The following DOCK2 variants were observed in gnomAD, a reference collection of about 807,000 sequenced individuals.
DOCK2 encodes dedicator of cytokinesis protein 2.
In DOCK2, 87 loss-of-function variants were observed where a neutral mutation model predicts 248.9. The observed-to-expected ratio is 0.35, with a 90% CI of 0.29 to 0.42. The LOEUF is 0.42. Ranked by LOEUF, DOCK2 falls within the 10% of genes least tolerant of loss-of-function variation. DOCK2 has a pLI of 1.00. For missense variants in DOCK2, 1,747 were observed against 2,300.2 expected (o/e 0.76, Z 4.92); for synonymous variants, 805 against 821.6 (o/e 0.98, Z 0.35).
intron 27 of DOCK2, among the ~76,000 whole-genome samples, chr5:169,970,415 G>C (rs1356005665): frequency 6.6e-6 from 1 of 152,250 alleles, no homozygotes; most frequent in East Asian, 1.9e-4. Context: ...CTGAAATAAG[G>C]CTGGGAAAGA....
chr5:169,780,456 A>C (rs1316592816), intron 25 of DOCK2, among the ~76,000 whole-genome samples: 1 of 152,156 alleles, frequency 6.6e-6, no homozygotes, highest in East Asian at 1.9e-4. Context: ...GTGTGCTGGC[A>C]GCTTCTGGGC....
At chr5:169,730,049 T>C (rs919675093) in intron 22 of DOCK2, among the ~76,000 whole-genome samples, 6 of 152,284 alleles carry the variant, frequency 3.9e-5, no homozygotes, top group African/African-American at 1.4e-4. Context: ...CTCTGCCTCC[T>C]GGGTTCAAGT....
At chr5:170,017,770 C>T (rs1190089993) in intron 32 of DOCK2, among the ~76,000 whole-genome samples, 1 of 152,192 alleles carries the variant, frequency 6.6e-6, no homozygotes, top group Non-Finnish European at 1.5e-5. Context: ...AGTCAATTTA[C>T]ACACTCAGGC....
chr5:170,061,686 G>A (rs1265288750), intron 44 of DOCK2, among the ~76,000 whole-genome samples: 1 of 152,192 alleles, frequency 6.6e-6, no homozygotes, highest in Non-Finnish European at 1.5e-5. Context: ...GCTATAATGA[G>A]GCTAACACTT....
At chr5:169,735,487 T>A (rs986981398) in intron 22 of DOCK2, among the ~76,000 whole-genome samples, 4 of 152,216 alleles carry the variant, frequency 2.6e-5, no homozygotes, top group Non-Finnish European at 1.5e-5. Context: ...TCTATCCCTG[T>A]ATTTTCTGGC....
At chr5:169,952,278 A>G (rs1458498749) in intron 27 of DOCK2, among the ~76,000 whole-genome samples, 1 of 152,184 alleles carries the variant, frequency 6.6e-6, no homozygotes, top group Non-Finnish European at 1.5e-5. Flanking sequence ...CCGTATAACA[A>G]TTTATTGAGA....
intron 48 of DOCK2, 59 bp downstream of exon 48, chr5:170,077,896 C>G (rs1757893745): frequency 7.3e-7 from 1 of 1,376,424 alleles, no homozygotes; most frequent in East Asian, 2.3e-5. Context: ...TCTATCCCCC[C>G]TCCTTCTCTC....
At chr5:169,885,577 C>G (rs910934624) in intron 27 of DOCK2, among the ~76,000 whole-genome samples, 1 of 152,320 alleles carries the variant, frequency 6.6e-6, no homozygotes, top group South Asian at 2.1e-4. Flanking sequence ...TGAGGAACAA[C>G]TACCTCATAA....
intron 6 of DOCK2, among the ~76,000 whole-genome samples, chr5:169,674,788 T>G (rs1409689212): frequency 6.6e-6 from 1 of 152,202 alleles, no homozygotes. Flanking sequence ...AACTCTCCCT[T>G]AAATCCCAAT....
chr5:169,658,017 T>A (rs1758216797), intron 2 of DOCK2, among the ~76,000 whole-genome samples: 1 of 152,136 alleles, frequency 6.6e-6, no homozygotes. Flanking sequence ...AGTCAATGAA[T>A]ATTAATTGGA....
intron 44 of DOCK2, among the ~76,000 whole-genome samples, chr5:170,060,256 G>A (rs181039595): frequency 7.0e-4 from 107 of 152,290 alleles, no homozygotes; most frequent in East Asian, 4.0e-3. Flanking sequence ...AGCTATGTAT[G>A]TTAGATAAGG....
intron 27 of DOCK2, among the ~76,000 whole-genome samples, chr5:169,847,954 T>C (rs1022437097): frequency 9.2e-5 from 14 of 152,222 alleles, no homozygotes; most frequent in Admixed American, 3.9e-4. Context: ...ATATTCTTGC[T>C]TCCTTTAAAA....
intron 51 of DOCK2, 23 bp downstream of exon 51, chr5:170,082,007 G>A (rs771922132): frequency 2.5e-6 from 4 of 1,611,230 alleles, no homozygotes; most frequent in Non-Finnish European, 3.4e-6. Flanking sequence ...AGGGTGGAAG[G>A]AAAGGAAGGC....
chr5:170,079,964 T>G, intron 49 of DOCK2, 199 bp from the exon 50 acceptor site: 45 of 702,802 alleles, frequency 6.4e-5, no homozygotes, highest in Admixed American at 9.5e-5. Flanking sequence ...CCCCCGCCTG[T>G]AGTTGTGTAG....
At chr5:169,838,598 A>G (rs1305385355) in intron 26 of DOCK2, among the ~76,000 whole-genome samples, 1 of 152,170 alleles carries the variant, frequency 6.6e-6, no homozygotes, top group African/African-American at 2.4e-5. Context: ...GGCCAGAAAT[A>G]TGGGGAGATC....
chr5:170,013,847 C>T (rs1467492335), intron 32 of DOCK2, among the ~76,000 whole-genome samples: 1 of 152,056 alleles, frequency 6.6e-6, no homozygotes, highest in Middle Eastern at 3.2e-3. Flanking sequence ...GGGGTTAAAA[C>T]CCGAATCAGG....
rs1297649266 is a variant in DOCK2, at chr5:169,761,521, A to T, written c.2450A>T (p.Gln817Leu). The T allele has an allele frequency of 6.2e-7, 1 of 1,613,736 alleles. No homozygotes were observed. The highest frequency in any genetic ancestry group is 1.7e-5 in the Admixed American group (1 of 59,978). Residue 817 changes from glutamine to leucine, a missense_variant and splice_region_variant, in exon 25 of 52, where the codon CAA (glutamine) becomes CTA (leucine). By Grantham distance (113) the Gln-to-Leu change is moderately radical. Transcript: ENST00000520908. ...GCTCCTATTTTTCCTGCCCTCAGCCAACTCCTGTATGAGTTCTACACCTGC... is the reference window on the plus strand; with the variant it reads ...GCTCCTATTTTTCCTGCCCTCAGCCTACTCCTGTATGAGTTCTACACCTGC... ...EMVFDAKLLS[Q>L]LLYEFYTCIP... is the part of the protein sequence containing the mutation.
At chr5:169,978,741 C>G (rs1777828207) in intron 27 of DOCK2, among the ~76,000 whole-genome samples, 1 of 152,108 alleles carries the variant, frequency 6.6e-6, no homozygotes, top group Non-Finnish European at 1.5e-5. Context: ...TGTCTTGGAT[C>G]ACTGAAGAGG....
chr5:169,694,592 G>T (rs940907531), intron 9 of DOCK2, among the ~76,000 whole-genome samples: 2 of 152,186 alleles, frequency 1.3e-5, no homozygotes, highest in Non-Finnish European at 2.9e-5. Context: ...TGCAATAATT[G>T]TATGTACTTC....
Sources: allele counts gnomAD v4.1 joint callset (sites outside exome capture counted in the v4.1 genomes callset), GRCh38; gene constraint gnomAD v4.1.1; transcripts MANE v1.5; gene names NCBI Gene and HGNC (gene_info 2026-07-23, HGNC 2026-07-21).